The following IMMP2L variants were observed in gnomAD, a reference collection of about 807,000 sequenced individuals.
IMMP2L encodes the protein mitochondrial inner membrane protease subunit 2.
A neutral mutation model predicts 19.3 loss-of-function variants in IMMP2L; 18 were observed. The ratio of observed to expected loss-of-function variants is 0.93; its 90% CI spans 0.64 to 1.38. The LOEUF (loss-of-function observed/expected upper bound fraction) is 1.38, where lower values mean the gene tolerates loss of function less well. IMMP2L is among the 40% of genes most tolerant of loss of function. The pLI is 0.00. For missense variants in IMMP2L, 233 were observed against 218.2 expected (o/e 1.07, Z -0.43); for synonymous variants, 76 against 73.0 (o/e 1.04, Z -0.21).
At position 110,871,955 on chromosome 7, in the gene IMMP2L, T is replaced by G. The variant is rs183584855; in HGVS notation, c.408+14638A>C. On this transcript the variant is annotated intron_variant, in intron 5 of 5. Coordinates refer to ENST00000405709, the MANE Select transcript of IMMP2L (RefSeq NM_032549.4). ...TTATATTTAATTACTTAACAAAGAA[T>G]AGCCAAGCAAAGTCTACAAATACAC... 2.7e-3 allele frequency among the ~76,000 whole-genome samples: 414 copies of G among 152,234 alleles called. 1 individual carries two copies. Among genetic ancestry groups the G allele is most frequent in the Admixed American group, 5.0e-3 (77 of 15,276 alleles).
At chr7:111,332,328 T>C (rs979852506) in intron 3 of IMMP2L, among the ~76,000 whole-genome samples, 8 of 151,830 alleles carry the variant, frequency 5.3e-5, no homozygotes, top group African/African-American at 1.9e-4. Flanking sequence ...ATGACAAAAT[T>C]AAAATCAAAA....
At chr7:111,458,397 T>C (rs1456183031) in intron 3 of IMMP2L, among the ~76,000 whole-genome samples, 2 of 152,008 alleles carry the variant, frequency 1.3e-5, no homozygotes, top group Admixed American at 6.6e-5. Flanking sequence ...AAAAAACTTA[T>C]GGAATGCTAT....
At chr7:111,170,261 T>C (rs1292340668) in intron 3 of IMMP2L, among the ~76,000 whole-genome samples, 1 of 151,812 alleles carries the variant, frequency 6.6e-6, no homozygotes, top group Non-Finnish European at 1.5e-5. Flanking sequence ...CCAACAATTA[T>C]GTTGGGAAAT....
chr7:111,161,277 G>C (rs1451190632), intron 3 of IMMP2L, among the ~76,000 whole-genome samples: 2 of 151,740 alleles, frequency 1.3e-5, no homozygotes, highest in Non-Finnish European at 2.9e-5. Context: ...AACAGAAAAT[G>C]ACAATAGAAC....
chr7:111,135,126 G>GA (rs1245130251), intron 3 of IMMP2L, among the ~76,000 whole-genome samples: 7 of 151,816 alleles, frequency 4.6e-5, no homozygotes, highest in African/African-American at 1.7e-4. Flanking sequence ...TCTCATTCTG[G>GA]AAAAAAATGA....
chr7:110,994,527 C>T (rs1156897330), intron 3 of IMMP2L, among the ~76,000 whole-genome samples: 1 of 152,124 alleles, frequency 6.6e-6, no homozygotes, highest in African/African-American at 2.4e-5. Context: ...GCTTCTTTCT[C>T]ACTTTCTCTC....
chr7:111,284,673 C>T (rs1457774958), intron 3 of IMMP2L, among the ~76,000 whole-genome samples: 1 of 152,052 alleles, frequency 6.6e-6, no homozygotes, highest in African/African-American at 2.4e-5. Flanking sequence ...AGAAAGGTTG[C>T]AGGCACTGAG....
At chr7:111,134,080 CTTTGAT>C (rs1205552541) in intron 3 of IMMP2L, among the ~76,000 whole-genome samples, 1 of 151,916 alleles carries the variant, frequency 6.6e-6, no homozygotes, top group Non-Finnish European at 1.5e-5. Context: ...TGATTGATGT[CTTTGAT>C]TTTAAGATTG....
rs201734573 is a variant in IMMP2L, at chr7:111,458,445, T to TAAA, written c.239+28792_239+28793insTTT. Among the ~76,000 whole-genome samples, 1,361 of 152,228 alleles carry TAAA rather than the reference T, an allele frequency of 8.9e-3. 25 individuals are homozygous for TAAA. Among genetic ancestry groups the TAAA allele is most frequent in the African/African-American group, 0.031 (1,287 of 41,532 alleles). On this transcript the variant is annotated intron_variant, in intron 3 of 5. Coordinates refer to ENST00000405709, the MANE Select transcript of IMMP2L (RefSeq NM_032549.4). ...AATAAACATAATATGCTTTCTGTTT[T>TAAA]AACAAATGAATAACTTACCATTGTA...
rs564922535 is a variant in IMMP2L at position 110,668,936 on chromosome 7, T to G, written c.409-5215A>C. Among the ~76,000 whole-genome samples the G allele has an allele frequency of 2.5e-3, 385 of 151,982 alleles. 4 individuals carry two copies. Among genetic ancestry groups the G allele is most frequent in the Non-Finnish European group, 4.1e-3 (276 of 67,976 alleles). On this transcript the variant is annotated intron_variant, in intron 5 of 5. Transcript: ENST00000405709. The stretch of plus-strand genomic sequence containing the variant: ...ATAAAAATCCAGAAATATATGAACT[T>G]TGTAAAAATTAAAAATTATCCTTCA...
intron 3 of IMMP2L, among the ~76,000 whole-genome samples, chr7:111,431,631 A>C (rs1224815516): frequency 6.6e-6 from 1 of 151,912 alleles, no homozygotes; most frequent in Non-Finnish European, 1.5e-5. Context: ...GGTTAGGGCC[A>C]CAAAAATGTG....
chr7:111,444,414 C>T (rs1445259218), intron 3 of IMMP2L, among the ~76,000 whole-genome samples: 2 of 152,046 alleles, frequency 1.3e-5, no homozygotes, highest in African/African-American at 4.8e-5. Flanking sequence ...GTTTCTTAAC[C>T]TCTCAGTGCC....
chr7:110,847,436 T>A (rs963273835), intron 5 of IMMP2L, among the ~76,000 whole-genome samples: 23 of 152,196 alleles, frequency 1.5e-4, no homozygotes, highest in African/African-American at 5.5e-4. Context: ...GAAACTCAGA[T>A]AATACAGAAA....
intron 3 of IMMP2L, among the ~76,000 whole-genome samples, chr7:111,210,493 C>G (rs902999465): frequency 6.6e-6 from 1 of 152,144 alleles, no homozygotes; most frequent in Non-Finnish European, 1.5e-5. Flanking sequence ...CTAAGGACTA[C>G]CTGCACTTAT....
intron 5 of IMMP2L, among the ~76,000 whole-genome samples, chr7:110,779,184 T>C (rs994027896): frequency 6.6e-6 from 1 of 151,956 alleles, no homozygotes; most frequent in African/African-American, 2.4e-5. Context: ...ATAAGAGTCA[T>C]TTTATTTTGT....
At chr7:111,555,156 T>A (rs1791126702) in intron 1 of IMMP2L, among the ~76,000 whole-genome samples, 1 of 152,172 alleles carries the variant, frequency 6.6e-6, no homozygotes, top group South Asian at 2.1e-4. Flanking sequence ...ACATGTTGGC[T>A]ATGCTGAATG....
intron 3 of IMMP2L, among the ~76,000 whole-genome samples, chr7:111,359,108 G>C (rs1204989700): frequency 6.6e-6 from 1 of 152,080 alleles, no homozygotes; most frequent in Admixed American, 6.6e-5. Context: ...GCATTACTTT[G>C]GAAGGCAAGG....
chr7:110,747,941 A>G (rs2130902913), intron 5 of IMMP2L, among the ~76,000 whole-genome samples: 1 of 152,320 alleles, frequency 6.6e-6, no homozygotes, highest in East Asian at 1.9e-4. Context: ...TCAATTAGGA[A>G]AAGAGGAAGT....
Position 110,942,443 on chromosome 7 carries a change from C to G in IMMP2L, c.305+21057G>C, listed in dbSNP as rs115309491. On this transcript the variant is annotated intron_variant, in intron 4 of 5. Coordinates refer to ENST00000405709, the MANE Select transcript of IMMP2L (RefSeq NM_032549.4). ...TTTTACGAACTTGGTCTCCAGTCCC[C>G]TTTCCTAAAAACCTGTTTAATTAAA... is the stretch of plus-strand genomic sequence containing the variant. 2.6e-3 allele frequency among the ~76,000 whole-genome samples: 399 copies of G among 151,984 alleles called. 1 individual carries two copies. The highest frequency in any genetic ancestry group is 9.2e-3 in the African/African-American group (383 of 41,534).
Sources: gnomAD v4.1 joint callset for allele counts (sites outside exome capture counted in the v4.1 genomes callset) on GRCh38, gnomAD v4.1.1 for gene constraint, MANE v1.5 for transcripts, NCBI Gene and HGNC (gene_info 2026-07-23, HGNC 2026-07-21) for gene names.